FAM78B: variants seen among roughly 807,000 people sequenced by gnomAD.
The protein encoded by FAM78B is family with sequence similarity 78 member B.
In FAM78B, 10 loss-of-function variants were observed where a neutral mutation model predicts 20.0. That is an observed-to-expected ratio of 0.50 (90% CI 0.31 to 0.85). The LOEUF is 0.85. FAM78B is among the 40% of genes least tolerant of loss of function. FAM78B has a pLI of 0.05. For missense variants in FAM78B, 283 were observed against 345.0 expected, an observed-to-expected ratio of 0.82 and a Z score of 1.42; for synonymous variants, 135 against 132.8, an observed-to-expected ratio of 1.02 and a Z score of -0.12.
In FAM78B at chr1:166,087,071, A is replaced by AT. The variant is rs144099889; in HGVS notation, c.264-16309dup. 6.6e-3 allele frequency: 934 copies of AT among 141,752 alleles called. 7 individuals are homozygous for AT. The highest frequency in any genetic ancestry group is 0.011 in the Middle Eastern group (3 of 274). 8.8% of individuals were successfully genotyped at this position (141,752 alleles called of 1,614,324 possible). The stretch of plus-strand genomic sequence containing the variant: ...GGCGGCTATTATGATTACCATCTCC[A>AT]TTTTTTTTTTTTTAGATGGAGTTTC... On this transcript the variant is annotated intron_variant, in intron 1 of 1. Transcript: ENST00000354422.
chr1:166,159,342 G>A (rs1299096751), intron 1 of FAM78B, among the ~76,000 whole-genome samples: 3 of 152,132 alleles, frequency 2.0e-5, no homozygotes, highest in East Asian at 3.9e-4. Context: ...CCAACCCCCT[G>A]AGACTCAGTT....
chr1:166,065,466 A>C (rs780146650), downstream of FAM78B, among the ~76,000 whole-genome samples: 2 of 152,266 alleles, frequency 1.3e-5, no homozygotes, highest in African/African-American at 2.4e-5. Flanking sequence ...ATGACAGATC[A>C]GGCCAATACT....
chr1:166,109,898 A>G lies in FAM78B; in HGVS notation c.264-39135T>C, dbSNP rs865922197. Among the ~76,000 whole-genome samples, 256 of 80,016 alleles carry G rather than the reference A, an allele frequency of 3.2e-3. 17 individuals are homozygous for G. The highest frequency in any genetic ancestry group is 0.011 in the African/African-American group (228 of 20,452). 52.5% of individuals were successfully genotyped at this position (80,016 alleles called of 152,430 possible). A position where few individuals can be genotyped will look rare whatever the true frequency, so the allele number is the denominator to read the frequency against. ...TATATATATGTATATATGTATATAT[A>G]TATATATATATATATATATATAATG... On this transcript the variant is annotated intron_variant, in intron 1 of 1. Transcript: ENST00000354422.
At chr1:166,083,447 A>C (rs1652660550) in intron 1 of FAM78B, among the ~76,000 whole-genome samples, 1 of 152,170 alleles carries the variant, frequency 6.6e-6, no homozygotes, top group Non-Finnish European at 1.5e-5. Context: ...CAAATCACTA[A>C]GCCTCTTTGG....
intron 1 of FAM78B, among the ~76,000 whole-genome samples, chr1:166,159,525 T>G (rs1424526510): frequency 6.6e-6 from 1 of 152,166 alleles, no homozygotes; most frequent in Admixed American, 6.5e-5. Flanking sequence ...TCCCTTTCAC[T>G]TGCCAGTCTG....
intron 1 of FAM78B, among the ~76,000 whole-genome samples, chr1:166,131,127 G>C (rs1457003896): frequency 3.3e-5 from 5 of 151,914 alleles, no homozygotes; most frequent in Admixed American, 3.3e-4. Flanking sequence ...GAGTAGCTGG[G>C]ACTACAGATG....
At chr1:166,057,526 A>T (rs1360369730) in exon 3 of FAM78B, 2 of 152,242 alleles carry the variant, frequency 1.3e-5, no homozygotes, top group East Asian at 3.8e-4. Context: ...CTGAAGACTG[A>T]CAACTCAGAA....
In FAM78B at chr1:166,070,274, C is replaced by G. The variant is rs1219573644; in HGVS notation, c.753G>C (p.Arg251=). 7 of 1,555,566 alleles carry G rather than the reference C, an allele frequency of 4.5e-6. No homozygotes were observed. The Admixed American group carries it at 1.1e-4, about 25-fold the overall frequency. Residue 251 remains arginine (R), a synonymous_variant, in exon 2 of 2, where the codon CGG becomes CGC. Transcript: ENST00000354422. ...DAQVLMWRPK[R]GPPLVVIPPK ...GAGGGATCACAACCAGAGGTGGCCC[C>G]CGCTTGGGCCTCCACATGAGGACCT...
chr1:166,064,432 T>C (rs1651724155), downstream of FAM78B, among the ~76,000 whole-genome samples: 1 of 152,166 alleles, frequency 6.6e-6, no homozygotes, highest in African/African-American at 2.4e-5. Flanking sequence ...ACTAGGCAAA[T>C]TGGGCTGGGA....
chr1:166,084,804 C>A (rs1173010192), intron 1 of FAM78B, among the ~76,000 whole-genome samples: 1 of 152,186 alleles, frequency 6.6e-6, no homozygotes, highest in South Asian at 2.1e-4. Context: ...ACCTGCGCAT[C>A]AGGTGGTGGA....
chr1:166,126,379 AATG>A (rs758459659), intron 1 of FAM78B, among the ~76,000 whole-genome samples: 1 of 152,226 alleles, frequency 6.6e-6, no homozygotes, highest in Non-Finnish European at 1.5e-5. Flanking sequence ...AAACACAATA[AATG>A]AGTAGTAAAC....
intron 1 of FAM78B, among the ~76,000 whole-genome samples, chr1:166,095,864 G>A (rs1174858910): frequency 4.6e-5 from 7 of 152,180 alleles, no homozygotes; most frequent in African/African-American, 1.7e-4. Flanking sequence ...GAGGAGTAAG[G>A]TGCTGGCTCC....
At chr1:166,056,772 G>T (rs566829413), downstream of FAM78B, among the ~76,000 whole-genome samples, 1 of 152,342 alleles carries the variant, frequency 6.6e-6, no homozygotes, top group South Asian at 2.1e-4. Context: ...TCTGATTCTA[G>T]AATGTTCTCT....
At chr1:166,139,980 A>C (rs1357293295) in intron 1 of FAM78B, among the ~76,000 whole-genome samples, 1 of 152,208 alleles carries the variant, frequency 6.6e-6, no homozygotes, top group Non-Finnish European at 1.5e-5. Context: ...GAAGGATGTG[A>C]CAAAGGCCAC....
At chr1:166,111,253 C>T (rs760341680) in intron 1 of FAM78B, among the ~76,000 whole-genome samples, 2 of 152,130 alleles carry the variant, frequency 1.3e-5, no homozygotes, top group South Asian at 4.1e-4. Context: ...TCCAAATGTA[C>T]GAAGTTGTCA....
intron 1 of FAM78B, 90 bp from the exon 2 acceptor site, chr1:166,070,853 C>T (rs1651999494): frequency 7.2e-7 from 1 of 1,382,810 alleles, no homozygotes; most frequent in Admixed American, 2.5e-5. Flanking sequence ...CTAACATAGT[C>T]AACTTGGGCA....
chr1:166,108,559 C>G (rs1299220960), intron 1 of FAM78B, among the ~76,000 whole-genome samples: 1 of 152,100 alleles, frequency 6.6e-6, no homozygotes, highest in African/African-American at 2.4e-5. Context: ...TGGGTCGAAT[C>G]AATATTGTGA....
intron 1 of FAM78B, chr1:166,086,953 T>A (rs1182651450): frequency 1.3e-5 from 2 of 152,092 alleles, no homozygotes; most frequent in Non-Finnish European, 2.9e-5. Flanking sequence ...TGTGGCCACA[T>A]GCAGTGTGGC....
chr1:166,150,311 C>A (rs998036219), intron 1 of FAM78B, among the ~76,000 whole-genome samples: 1 of 152,162 alleles, frequency 6.6e-6, no homozygotes, highest in African/African-American at 2.4e-5. Flanking sequence ...AACCTCAGTT[C>A]TTTTTATCAA....
Sources: allele counts gnomAD v4.1 joint callset (sites outside exome capture counted in the v4.1 genomes callset), GRCh38; gene constraint gnomAD v4.1.1; transcripts MANE v1.5; gene names NCBI Gene and HGNC (gene_info 2026-07-23, HGNC 2026-07-21).